The following CMC1 variants were observed in gnomAD, a reference collection of about 807,000 sequenced individuals.
CMC1 encodes COX assembly mitochondrial protein homolog.
In CMC1, 14 loss-of-function variants were observed where a neutral mutation model predicts 14.1. The ratio of observed to expected loss-of-function variants is 0.99; its 90% CI spans 0.66 to 1.55. The LOEUF (loss-of-function observed/expected upper bound fraction) is 1.55. CMC1 is among the 40% of genes most tolerant of loss of function. CMC1 has a pLI of 0.00. For missense variants in CMC1, 127 were observed against 123.8 expected (o/e 1.03, Z -0.12); for synonymous variants, 50 against 38.4 (o/e 1.30, Z -1.12).
chr3:28,316,599 T>A (rs1702937824), intron 3 of CMC1, 176 bp downstream of exon 3: 1 of 393,084 alleles, frequency 2.5e-6, no homozygotes, highest in Admixed American at 4.2e-5. Context: ...TATGAAAGAG[T>A]CTTTTCAAAT....
At chr3:28,260,725 A>G (rs940868571) in intron 1 of CMC1, among the ~76,000 whole-genome samples, 1 of 152,064 alleles carries the variant, frequency 6.6e-6, no homozygotes, top group Non-Finnish European at 1.5e-5. Context: ...ATAGGTTTTT[A>G]GTGCTACAAA....
chr3:28,288,210 T>G (rs1193341865), intron 2 of CMC1, among the ~76,000 whole-genome samples: 1 of 152,136 alleles, frequency 6.6e-6, no homozygotes, highest in Non-Finnish European at 1.5e-5. Flanking sequence ...TTATATGTCT[T>G]TATTTTATTA....
At chr3:28,288,146 T>G (rs1252273716) in intron 2 of CMC1, among the ~76,000 whole-genome samples, 1 of 152,060 alleles carries the variant, frequency 6.6e-6, no homozygotes, top group Non-Finnish European at 1.5e-5. Context: ...TCAACGTGTT[T>G]TTAAAAATAC....
chr3:28,316,365 C>G lies in CMC1; in HGVS notation c.142C>G (p.Leu48Val), dbSNP rs189106921. 1.3e-6 allele frequency: 2 copies of G among 1,590,004 alleles called. No homozygotes were observed. Among genetic ancestry groups the G allele is most frequent in the East Asian group, 2.3e-5 (1 of 44,064 alleles). ...CAAATGTTGCAAGAACTCTGGAGTT[C>G]TTATGGTAGTAAAATGCCGGAAAGA... ...FTKCCKNSGV[L>V]MVVKCRKENS... Residue 48 changes from leucine (L) to valine (V), a missense_variant, in exon 3 of 4, where the codon CTT (leucine) becomes GTT (valine). Leu to Val is a conservative substitution (Grantham distance 32, BLOSUM62 1). Coordinates refer to ENST00000466830, the MANE Select transcript of CMC1 (RefSeq NM_182523.2).
chr3:28,256,862 G>A (rs1273033716), intron 1 of CMC1, among the ~76,000 whole-genome samples: 1 of 152,158 alleles, frequency 6.6e-6, no homozygotes, highest in East Asian at 1.9e-4. Context: ...GTTTCTGATT[G>A]TCTACATAGA....
chr3:28,267,409 A>G (rs1700062563), intron 2 of CMC1, among the ~76,000 whole-genome samples: 1 of 152,172 alleles, frequency 6.6e-6, no homozygotes, highest in Non-Finnish European at 1.5e-5. Context: ...TTGCTATCAC[A>G]GGTAAAGACA....
At position 28,263,578 on chromosome 3, in the gene CMC1, T is replaced by C. The variant is rs1699842636; in HGVS notation, c.109+198T>C. Among the ~76,000 whole-genome samples, 5 of 152,140 alleles carry C rather than the reference T, an allele frequency of 3.3e-5. No individual in the cohort carries two copies. In the South Asian group the frequency reaches 8.3e-4, roughly 25 times the overall value. ...CATTTACAGTTTAAAAATATTTCCCTAAATTACTAGTAAAAAACATTTTTT... is the reference window on the plus strand; with the variant it reads ...CATTTACAGTTTAAAAATATTTCCCCAAATTACTAGTAAAAAACATTTTTT... On this transcript the variant is annotated intron_variant, in intron 2 of 3. Transcript: ENST00000466830.
At chr3:28,300,532 C>T (rs968769001) in intron 2 of CMC1, among the ~76,000 whole-genome samples, 7 of 151,906 alleles carry the variant, frequency 4.6e-5, no homozygotes, top group Non-Finnish European at 1.0e-4. Context: ...TCTTCAAAGC[C>T]GAGGCTTCTC....
rs1168890405 is a variant in CMC1, at chr3:28,322,685, C to G, written c.*3056C>G. On this transcript the variant is annotated 3_prime_UTR_variant, in exon 4 of 4. Coordinates refer to ENST00000466830, the MANE Select transcript of CMC1 (RefSeq NM_182523.2). ...TGTACTCCCCTGAGTCAGCTGTGTT[C>G]ATTGGTCAGAATAAATTCCAGCATC... 1 of 151,464 alleles carries G rather than the reference C, an allele frequency of 6.6e-6. No individual in the cohort carries two copies. The highest frequency in any genetic ancestry group is 2.4e-5 in the African/African-American group (1 of 41,256). The allele number at this position is 151,464 out of a possible 1,614,324, so 9.4% of individuals were successfully genotyped here. A position where few individuals can be genotyped will look rare whatever the true frequency, so the allele number is the denominator to read the frequency against.
rs1156821003 is a variant in CMC1, at chr3:28,320,905, G to T, written c.*1276G>T. ...AGTAAATTTTACGTATATTTTCACA[G>T]TCCTCATTAAAATCACAAATAGAAA... On this transcript the variant is annotated 3_prime_UTR_variant, in exon 4 of 4. Transcript: ENST00000466830. The T allele has an allele frequency of 2.0e-5, 3 of 151,216 alleles. No individual in the cohort carries two copies. Among genetic ancestry groups the T allele is most frequent in the Non-Finnish European group, 4.4e-5 (3 of 67,582 alleles). The allele number at this position is 151,216 out of a possible 1,614,324, so 9.4% of individuals were successfully genotyped here. A position where few individuals can be genotyped will look rare whatever the true frequency, so the allele number is the denominator to read the frequency against.
At chr3:28,267,661 A>T (rs1692586859) in intron 2 of CMC1, among the ~76,000 whole-genome samples, 1 of 152,238 alleles carries the variant, frequency 6.6e-6, no homozygotes, top group South Asian at 2.1e-4. Context: ...GTAGGTAAAT[A>T]ACAAAGAAGC....
intron 2 of CMC1, among the ~76,000 whole-genome samples, chr3:28,298,835 T>G (rs1329693401): frequency 6.6e-6 from 1 of 151,702 alleles, no homozygotes; most frequent in African/African-American, 2.4e-5. Flanking sequence ...GTATGTTCTG[T>G]TTTTTTTCTG....
chr3:28,301,594 C>G (rs1300342248), intron 2 of CMC1, among the ~76,000 whole-genome samples: 1 of 150,218 alleles, frequency 6.7e-6, no homozygotes, highest in East Asian at 1.9e-4. Flanking sequence ...CTACTGCGAT[C>G]GAATTTGGAG....
chr3:28,264,409 A>G (rs1397571002), intron 2 of CMC1, among the ~76,000 whole-genome samples: 3 of 152,190 alleles, frequency 2.0e-5, no homozygotes, highest in Non-Finnish European at 4.4e-5. Context: ...GGAGGCAATA[A>G]AATAAAGAGT....
At chr3:28,246,355 G>A (rs929620853) in intron 1 of CMC1, among the ~76,000 whole-genome samples, 3 of 152,142 alleles carry the variant, frequency 2.0e-5, no homozygotes, top group Non-Finnish European at 2.9e-5. Flanking sequence ...GAAGAATTGA[G>A]ATCAAAGAGG....
intron 2 of CMC1, among the ~76,000 whole-genome samples, chr3:28,305,779 ATTTTTTT>A (rs71087685): frequency 2.5e-4 from 11 of 43,568 alleles, no homozygotes; most frequent in African/African-American, 1.1e-3. Flanking sequence ...TTTCATAGGA[ATTTTTTT>A]TTTTTTTTTT....
chr3:28,307,084 A>G (rs988790345), intron 2 of CMC1, among the ~76,000 whole-genome samples: 3 of 152,226 alleles, frequency 2.0e-5, no homozygotes, highest in Admixed American at 6.5e-5. Context: ...CCTTTTAAAT[A>G]TATCTGTCTT....
At chr3:28,276,099 T>TTAGGCAGTCCCAACCGCC (rs1700578207) in intron 2 of CMC1, among the ~76,000 whole-genome samples, 2 of 152,074 alleles carry the variant, frequency 1.3e-5, no homozygotes, top group Admixed American at 6.5e-5. Flanking sequence ...CTCAGTAGTC[T>TTAGGCAGTCCCAACCGCC]TAGGCAGTCC....
intron 2 of CMC1, among the ~76,000 whole-genome samples, chr3:28,302,507 A>G (rs545570342): frequency 6.6e-6 from 1 of 152,302 alleles, no homozygotes; most frequent in East Asian, 1.9e-4. Context: ...TGGTGCTTTC[A>G]TTGTCCACAC....
Sources: allele counts gnomAD v4.1 joint callset (sites outside exome capture counted in the v4.1 genomes callset), GRCh38; gene constraint gnomAD v4.1.1; transcripts MANE v1.5; gene names NCBI Gene and HGNC (gene_info 2026-07-23, HGNC 2026-07-21).